The following KLF15 variants were observed in gnomAD, a reference collection of about 807,000 sequenced individuals.
The protein encoded by KLF15 is KLF transcription factor 15, also known as Krueppel-like factor 15.
A neutral mutation model predicts 24.6 loss-of-function variants in KLF15; 4 were observed. The ratio of observed to expected loss-of-function variants is 0.16; its 90% CI spans 0.08 to 0.37. The LOEUF (loss-of-function observed/expected upper bound fraction) is 0.37. Among genes scored for constraint, KLF15 ranks in the 10% least tolerant of loss-of-function variants. The pLI is 1.00. For missense variants in KLF15, 496 were observed against 560.6 expected (o/e 0.88, Z 1.16); for synonymous variants, 246 against 236.3 (o/e 1.04, Z -0.37).
At chr3:126,321,248 A>T in the KLF15 span, among the ~76,000 whole-genome samples, 1 of 152,322 alleles carries the variant, frequency 6.6e-6, no homozygotes. Flanking sequence ...GGCCAGGGCC[A>T]CAGAGGAAGA....
At position 126,343,280 on chromosome 3, in the gene KLF15, C is replaced by G. The variant is rs73205083; in HGVS notation, c.*447G>C. 497 of 181,060 alleles carry G rather than the reference C, an allele frequency of 2.7e-3. 4 individuals are homozygous for G. Among genetic ancestry groups the G allele is most frequent in the Non-Finnish European group, 2.4e-3 (212 of 87,544 alleles). 11.2% of individuals were successfully genotyped at this position (181,060 alleles called of 1,614,324 possible). ...AGTGCAGCCCTGGACTTCTGGCCTACTTCCTTCTCCTCCAGCATGACTCTC... is the reference window on the plus strand; with the variant it reads ...AGTGCAGCCCTGGACTTCTGGCCTAGTTCCTTCTCCTCCAGCATGACTCTC... On this transcript the variant is annotated 3_prime_UTR_variant, in exon 3 of 3. Coordinates refer to ENST00000296233, the MANE Select transcript of KLF15 (RefSeq NM_014079.4).
the KLF15 span, among the ~76,000 whole-genome samples, chr3:126,326,348 AAAGTC>A: frequency 6.6e-5 from 10 of 151,718 alleles, no homozygotes. Context: ...TTCTGTGAAG[AAAGTC>A]ATTGGTAGCT....
chr3:126,312,100 C>G, the KLF15 span, among the ~76,000 whole-genome samples: 1 of 152,336 alleles, frequency 6.6e-6, no homozygotes, highest in South Asian at 2.1e-4. Context: ...CTTTCAGAAT[C>G]TGGCATCAGA....
Position 126,352,248 on chromosome 3 carries a change from G to T in KLF15, c.675C>A (p.Pro225=). The part of the protein sequence containing the change: ...GPIPVLLQIQ[P]VPVKQESGTG... ...TGCCCGATTCCTGCTTCACAGGCAC[G>T]GGCTGGATCTGCAGCAACACTGGGA... The change falls in exon 2 of 3, where the codon CCC becomes CCA. Residue 225 remains proline, a synonymous_variant. Coordinates refer to ENST00000296233, the MANE Select transcript of KLF15 (RefSeq NM_014079.4). 1 of 1,534,884 alleles carries T rather than the reference G, an allele frequency of 6.5e-7. No individual in the cohort carries two copies. The highest frequency in any genetic ancestry group is 1.3e-5 in the South Asian group (1 of 76,364).
chr3:126,354,702 G>C (rs1462320575), intron 1 of KLF15, among the ~76,000 whole-genome samples: 3 of 152,246 alleles, frequency 2.0e-5, no homozygotes, highest in African/African-American at 7.2e-5. Flanking sequence ...CACCAAATCA[G>C]GTGCTGGGAA....
At chr3:126,340,809 TG>T (rs141363127), downstream of KLF15, among the ~76,000 whole-genome samples, 874 of 152,288 alleles carry the variant, frequency 5.7e-3, 13 homozygotes, top group African/African-American at 0.019. Flanking sequence ...GGTGGTGGCA[TG>T]GGGGTCTCTG....
chr3:126,327,807 T>A, the KLF15 span, among the ~76,000 whole-genome samples: 334 of 152,388 alleles, frequency 2.2e-3, no homozygotes, highest in Non-Finnish European at 4.0e-3. Context: ...TCTACTCGAT[T>A]CTTCATTGGA....
the KLF15 span, among the ~76,000 whole-genome samples, chr3:126,318,680 G>A: frequency 6.6e-6 from 1 of 151,976 alleles, no homozygotes. Context: ...TTAAGACATG[G>A]CTCTACTTAC....
the KLF15 span, among the ~76,000 whole-genome samples, chr3:126,299,607 G>A: frequency 6.6e-6 from 1 of 151,766 alleles, no homozygotes; most frequent in Admixed American, 6.6e-5. Flanking sequence ...AAATTAGCCG[G>A]GCATGGTGGC....
At chr3:126,323,450 T>TATATATATATA in the KLF15 span, among the ~76,000 whole-genome samples, 1 of 94,862 alleles carries the variant, frequency 1.1e-5, no homozygotes, top group South Asian at 3.1e-4. Context: ...ATATATGTTA[T>TATATATATATA]ATATATATAT....
intron 2 of KLF15, among the ~76,000 whole-genome samples, chr3:126,350,127 C>T (rs981835839): frequency 3.0e-4 from 46 of 152,194 alleles, no homozygotes; most frequent in African/African-American, 1.1e-3. Context: ...ACCACAGCCC[C>T]CACATACCTG....
chr3:126,317,020 C>T, the KLF15 span, among the ~76,000 whole-genome samples: 11 of 152,242 alleles, frequency 7.2e-5, 1 homozygote, highest in Non-Finnish European at 4.4e-5. Context: ...AGGTGGAAGT[C>T]CTGGGAGCCC....
In KLF15 at chr3:126,356,447, A is replaced by T. The variant is rs557347959; in HGVS notation, c.-26+790T>A. On this transcript the variant is annotated intron_variant, in intron 1 of 2. Coordinates refer to ENST00000296233, the MANE Select transcript of KLF15 (RefSeq NM_014079.4). This position sits in a 1 kb window ranked among gnomAD's most constrained non-coding sequence, Gnocchi z 4.4. ...GGAGGGAAGAGTGAACCGGACCACC[A>T]TATGGGATGGGGACGGCCTCTCTGC... 6.6e-6 allele frequency among the ~76,000 whole-genome samples: 1 copy of T among 152,216 alleles called. No individual in the cohort carries two copies. Among genetic ancestry groups the T allele is most frequent in the Admixed American group, 6.5e-5 (1 of 15,308 alleles).
At chr3:126,309,681 A>ATT in the KLF15 span, among the ~76,000 whole-genome samples, 1 of 152,224 alleles carries the variant, frequency 6.6e-6, no homozygotes, top group Admixed American at 6.5e-5. Context: ...AAATAAAAGG[A>ATT]GATGGGTTCC....
At chr3:126,323,475 A>AGT in the KLF15 span, among the ~76,000 whole-genome samples, 6 of 41,170 alleles carry the variant, frequency 1.5e-4, no homozygotes, top group African/African-American at 7.2e-4. Context: ...TATATATGTT[A>AGT]TATATATATA....
chr3:126,352,553 C>T lies in KLF15; in HGVS notation c.370G>A (p.Glu124Lys), dbSNP rs375056469. 1.7e-5 allele frequency: 27 copies of T among 1,612,806 alleles called. No individual in the cohort carries two copies. The highest frequency in any genetic ancestry group is 5.0e-5 in the Admixed American group (3 of 60,012). Residue 124 changes from glutamate to lysine, a missense_variant, in exon 2 of 3, where the codon GAG becomes AAG. By Grantham distance (56) the Glu-to-Lys change is moderately conservative. Transcript: ENST00000296233. ...PVKGEHFCLP[E>K]FPLGDPDDVP... ...TCATCAGGATCACCCAAAGGAAACT[C>T]GGGCAAGCAGAAATGCTCCCCCTTC...
the KLF15 span, among the ~76,000 whole-genome samples, chr3:126,295,100 G>GCACACA: frequency 7.9e-5 from 12 of 152,078 alleles, no homozygotes; most frequent in Non-Finnish European, 1.8e-4. Flanking sequence ...ACATGAGCAT[G>GCACACA]CACACACATA....
chr3:126,293,053 T>C, the KLF15 span, among the ~76,000 whole-genome samples: 1 of 150,982 alleles, frequency 6.6e-6, no homozygotes, highest in East Asian at 2.0e-4. Context: ...CTCATGCCTC[T>C]AGTCCCAGCA....
the KLF15 span, among the ~76,000 whole-genome samples, chr3:126,330,776 G>A: frequency 6.6e-6 from 1 of 152,098 alleles, no homozygotes; most frequent in Admixed American, 6.6e-5. Context: ...AACCTACCTG[G>A]AGTGAATTTT....
Sources: allele counts gnomAD v4.1 joint callset (sites outside exome capture counted in the v4.1 genomes callset), GRCh38; gene constraint gnomAD v4.1.1; non-coding constraint Gnocchi (gnomAD v3.1); transcripts MANE v1.5; gene names NCBI Gene and HGNC (gene_info 2026-07-23, HGNC 2026-07-21).